COL4A2: variants seen among roughly 807,000 people sequenced by gnomAD.
COL4A2 encodes collagen type IV alpha 2 chain, also known as collagen alpha-2(IV) chain.
COL4A2 carries 99 observed loss-of-function variants against 200.2 expected under a neutral mutation model. The ratio of observed to expected loss-of-function variants is 0.49; its 90% CI spans 0.42 to 0.58. The LOEUF (loss-of-function observed/expected upper bound fraction) is 0.58. COL4A2 is among the 20% of genes least tolerant of loss of function. The pLI, the probability that COL4A2 is intolerant of heterozygous loss-of-function variation, is 0.00. For missense variants in COL4A2, 1,950 were observed against 2,314.1 expected, an observed-to-expected ratio of 0.84 and a Z score of 3.23; for synonymous variants, 897 against 900.6, an observed-to-expected ratio of 1.00 and a Z score of 0.07.
chr13:110,329,678 A>G (rs1214449653), intron 3 of COL4A2, among the ~76,000 whole-genome samples: 1 of 152,164 alleles, frequency 6.6e-6, no homozygotes, highest in Non-Finnish European at 1.5e-5. Flanking sequence ...TGGTGCTGGA[A>G]CCCTGACTTT....
intron 4 of COL4A2, among the ~76,000 whole-genome samples, chr13:110,406,835 C>T (rs1879590407): frequency 6.6e-6 from 1 of 152,194 alleles, no homozygotes; most frequent in African/African-American, 2.4e-5. Flanking sequence ...CAGCAGTCCT[C>T]ATTCCTTTGG....
At position 110,313,544 on chromosome 13, in the gene COL4A2, G is replaced by A. The variant is rs1308397346; in HGVS notation, c.99+5421G>A. Among the ~76,000 whole-genome samples the A allele has an allele frequency of 1.1e-4, 13 of 123,630 alleles. 1 individual carries two copies. Among genetic ancestry groups the A allele is most frequent in the African/African-American group, 3.3e-4 (11 of 33,046 alleles). 81.1% of individuals were successfully genotyped at this position (123,630 alleles called of 152,430 possible). On this transcript the variant is annotated intron_variant, in intron 3 of 47. Coordinates refer to ENST00000360467, the MANE Select transcript of COL4A2 (RefSeq NM_001846.4). ...CGGCAGGCTCCCACCCCGGTGCCCC[G>A]CGTCCACCCGGCAGGCTCCCACCCC...
chr13:110,451,897 C>T (rs1291859556), intron 20 of COL4A2, among the ~76,000 whole-genome samples: 5 of 152,260 alleles, frequency 3.3e-5, no homozygotes, highest in African/African-American at 1.2e-4. Context: ...TTCATTCTCT[C>T]ACAAGAGTGA....
At chr13:110,484,183 T>TG (rs1293354842) in intron 32 of COL4A2, among the ~76,000 whole-genome samples, 3 of 152,126 alleles carry the variant, frequency 2.0e-5, no homozygotes, top group South Asian at 2.1e-4. Context: ...AAGTTAACCA[T>TG]GGGGGTGTCT....
chr13:110,374,175 G>A (rs1391023426), intron 4 of COL4A2, among the ~76,000 whole-genome samples: 2 of 152,060 alleles, frequency 1.3e-5, no homozygotes, highest in African/African-American at 4.8e-5. Context: ...CGGTGGTCCC[G>A]GGGCGATGGG....
At chr13:110,480,142 CAAT>C in intron 30 of COL4A2, 75 bp from the exon 31 acceptor site, 11 of 1,419,712 alleles carry the variant, frequency 7.7e-6, no homozygotes, top group Non-Finnish European at 9.5e-6. Flanking sequence ...ACTGAACACT[CAAT>C]GCCGTAAAAG....
chr13:110,358,171 G>A (rs1016274067), intron 4 of COL4A2, among the ~76,000 whole-genome samples: 3 of 151,378 alleles, frequency 2.0e-5, no homozygotes, highest in Admixed American at 6.6e-5. Flanking sequence ...CTTTTTCTAC[G>A]TTTTTATTCG....
intron 4 of COL4A2, among the ~76,000 whole-genome samples, chr13:110,371,592 T>TG: frequency 6.6e-6 from 1 of 152,322 alleles, no homozygotes; most frequent in South Asian, 2.1e-4. Flanking sequence ...AAGACACTGT[T>TG]GCTTTTTAAA....
At chr13:110,495,553 G>A in intron 40 of COL4A2, 86 bp downstream of exon 40, 2 of 1,517,474 alleles carry the variant, frequency 1.3e-6, no homozygotes, top group Non-Finnish European at 1.8e-6. Flanking sequence ...CTATGGGGTG[G>A]GAGAGGCTGT....
chr13:110,363,742 T>C (rs1452275845), intron 4 of COL4A2, among the ~76,000 whole-genome samples: 1 of 152,218 alleles, frequency 6.6e-6, no homozygotes, highest in East Asian at 1.9e-4. Context: ...TCATAAACCC[T>C]ACCCTTCCAT....
At chr13:110,463,374 A>G (rs7334909) in intron 24 of COL4A2, 88,277 of 151,878 alleles carry the variant, frequency 0.58, 26,351 homozygotes, top group Middle Eastern at 0.73. Flanking sequence ...GACCTTGAGC[A>G]CCCTCAAAGA....
chr13:110,512,036 C>T lies in COL4A2; in HGVS notation c.4984C>T (p.Arg1662Cys), dbSNP rs746842146. The T allele has an allele frequency of 3.1e-5, 50 of 1,613,368 alleles. No homozygotes were observed. The highest frequency in any genetic ancestry group is 3.6e-5 in the Non-Finnish European group (42 of 1,180,040). ...ACCATTCATCGAATGCAATGGAGGC[C>T]GCGGCACCTGCCACTACTACGCCAA... ...ATPFIECNGG[R>C]GTCHYYANKY... Residue 1662 changes from arginine to cysteine, a missense_variant, in exon 48 of 48, where the codon CGC becomes TGC. By Grantham distance (180) the Arg-to-Cys change is radical. Transcript: ENST00000360467.
At chr13:110,332,875 A>C (rs9559771) in intron 3 of COL4A2, among the ~76,000 whole-genome samples, 1 of 152,184 alleles carries the variant, frequency 6.6e-6, no homozygotes, top group Non-Finnish European at 1.5e-5. Context: ...GCTGAGCTCA[A>C]AGTCCTTCAC....
intron 38 of COL4A2, 123 bp from the exon 39 acceptor site, chr13:110,493,059 TAACGATGAGTGACACCCCCATGGGTGAAA>T: frequency 2.3e-6 from 2 of 872,746 alleles, no homozygotes; most frequent in Non-Finnish European, 1.8e-6. Context: ...ACAGGTGAAA[TAACGATGAGTGACACCCCCATGGGTGAAA>T]TAACGATGAG....
intron 47 of COL4A2, 54 bp from the exon 48 acceptor site, chr13:110,511,880 G>A (rs1470098089): frequency 8.1e-6 from 13 of 1,611,096 alleles, no homozygotes; most frequent in Admixed American, 3.3e-5. Flanking sequence ...CCCTGACCCC[G>A]TGCCACCTGC....
At chr13:110,498,029 G>C (rs1365719557) in intron 40 of COL4A2, among the ~76,000 whole-genome samples, 3 of 152,220 alleles carry the variant, frequency 2.0e-5, no homozygotes, top group African/African-American at 4.8e-5. Flanking sequence ...CAGTCCACCA[G>C]CATAATCCTC....
chr13:110,499,353 G>A (rs553781308), intron 40 of COL4A2, among the ~76,000 whole-genome samples: 3 of 152,330 alleles, frequency 2.0e-5, no homozygotes, highest in Admixed American at 6.5e-5. Flanking sequence ...CTTCACTGGC[G>A]GCAGGAGAGA....
At chr13:110,511,655 T>C (rs557165074) in intron 47 of COL4A2, among the ~76,000 whole-genome samples, 25 of 152,388 alleles carry the variant, frequency 1.6e-4, no homozygotes, top group Admixed American at 9.8e-4. Context: ...GTCACGGCTC[T>C]AGTTCTTACC....
intron 6 of COL4A2, 128 bp downstream of exon 6, chr13:110,425,125 T>A: frequency 9.6e-7 from 1 of 1,044,678 alleles, no homozygotes. Flanking sequence ...GTGGGGACTA[T>A]ACGTGCGTAT....
Sources: gnomAD v4.1 joint callset for allele counts (sites outside exome capture counted in the v4.1 genomes callset) on GRCh38, gnomAD v4.1.1 for gene constraint, MANE v1.5 for transcripts, NCBI Gene and HGNC (gene_info 2026-07-23, HGNC 2026-07-21) for gene names.